The following CREB3L2 variants were observed in gnomAD, a reference collection of about 807,000 sequenced individuals.
CREB3L2 encodes the protein cyclic AMP-responsive element-binding protein 3-like protein 2.
Under a neutral mutation model 57.2 loss-of-function variants are expected in CREB3L2, and 23 were observed. That is an observed-to-expected ratio of 0.40 (90% CI 0.29 to 0.57). The LOEUF (loss-of-function observed/expected upper bound fraction) is 0.57. Ranked by LOEUF, CREB3L2 falls within the 20% of genes least tolerant of loss-of-function variation. The pLI is 0.42. For missense variants in CREB3L2, 628 were observed against 634.7 expected (o/e 0.99, Z 0.11); for synonymous variants, 268 against 265.1 (o/e 1.01, Z -0.11).
rs374670197 is a variant in CREB3L2, at chr7:137,901,411, C to T, written c.986G>A (p.Cys329Tyr). 6 of 1,603,318 alleles carry T rather than the reference C, an allele frequency of 3.7e-6. No individual in the cohort carries two copies. Among genetic ancestry groups the T allele is most frequent in the Non-Finnish European group, 5.1e-6 (6 of 1,170,636 alleles). The change falls in exon 8 of 12, where the codon TGT becomes TAT. Residue 329 changes from cysteine to tyrosine, a missense_variant. By Grantham distance (194) the Cys-to-Tyr change is radical. Transcript: ENST00000330387. ...MDSLEKKVESCSTENLELRKK... is the reference protein window; with the variant it reads ...MDSLEKKVESYSTENLELRKK... ...CCGAAGCTCCAAGTTCTCAGTTGAA[C>T]AAGACTCCACTCTACAAAGGAGGGA... is the stretch of plus-strand genomic sequence containing the variant.
chr7:137,883,062 G>A (rs922331720), intron 10 of CREB3L2, among the ~76,000 whole-genome samples: 5 of 152,170 alleles, frequency 3.3e-5, no homozygotes, highest in Non-Finnish European at 7.3e-5. Context: ...TTTAGAAAGG[G>A]AAGAGGAGAC....
At chr7:137,961,647 C>G (rs775074153) in intron 1 of CREB3L2, among the ~76,000 whole-genome samples, 1 of 152,172 alleles carries the variant, frequency 6.6e-6, no homozygotes, top group Non-Finnish European at 1.5e-5. Context: ...CATTTCTATG[C>G]CAGACAGTCC....
intron 1 of CREB3L2, among the ~76,000 whole-genome samples, chr7:137,974,866 C>A (rs1801578807): frequency 1.3e-5 from 2 of 152,078 alleles, no homozygotes; most frequent in Non-Finnish European, 2.9e-5. Context: ...GGTGAGGAAC[C>A]TTTGAGATAG....
intron 2 of CREB3L2, among the ~76,000 whole-genome samples, chr7:137,918,049 T>C (rs971623849): frequency 3.3e-5 from 5 of 152,094 alleles, no homozygotes; most frequent in African/African-American, 9.7e-5. Flanking sequence ...AAAGATTCCG[T>C]TGACTCTCCC....
intron 1 of CREB3L2, chr7:137,953,280 G>T: frequency 5.4e-6 from 2 of 368,150 alleles, no homozygotes; most frequent in East Asian, 7.3e-5. Flanking sequence ...TTAGCTCCCG[G>T]TGGTGTTTCA....
chr7:137,900,336 G>C (rs902615806), intron 8 of CREB3L2, among the ~76,000 whole-genome samples: 1 of 152,068 alleles, frequency 6.6e-6, no homozygotes, highest in South Asian at 2.1e-4. Context: ...TGATAATAAT[G>C]GCATCTCATA....
intron 1 of CREB3L2, among the ~76,000 whole-genome samples, chr7:137,991,468 A>G (rs1045355765): frequency 3.9e-5 from 6 of 151,922 alleles, no homozygotes; most frequent in Non-Finnish European, 8.8e-5. Flanking sequence ...CTGGCCTTAA[A>G]TAGCTTATTT....
At chr7:137,922,742 A>G in intron 2 of CREB3L2, 1 of 401,996 alleles carries the variant, frequency 2.5e-6, no homozygotes, top group South Asian at 1.8e-5. Context: ...CGGACCGTAC[A>G]TCCATTTACT....
At chr7:137,931,221 G>A (rs1362737598) in intron 1 of CREB3L2, among the ~76,000 whole-genome samples, 3 of 151,570 alleles carry the variant, frequency 2.0e-5, no homozygotes, top group African/African-American at 7.3e-5. Context: ...GATGGAGTGA[G>A]AACCTGTCTT....
At position 137,885,393 on chromosome 7, in the gene CREB3L2, G is replaced by C; in HGVS notation, c.1143+10C>G. 6.2e-7 allele frequency: 1 copy of C among 1,611,502 alleles called. No individual in the cohort carries two copies. Among genetic ancestry groups the C allele is most frequent in the Non-Finnish European group, 8.5e-7 (1 of 1,177,998 alleles). On this transcript the variant is annotated intron_variant, in intron 9 of 11. Transcript: ENST00000330387. ...GGGCGGTCACTGTGCTACCCTGCTGGGAAGCTCACCATGAGGCAGGTGCCA... is the reference window on the plus strand; with the variant it reads ...GGGCGGTCACTGTGCTACCCTGCTGCGAAGCTCACCATGAGGCAGGTGCCA...
intron 1 of CREB3L2, chr7:137,955,353 G>T (rs1249689026): frequency 1.6e-6 from 2 of 1,278,230 alleles, no homozygotes; most frequent in East Asian, 5.6e-5. Flanking sequence ...ACCACAGGAT[G>T]GGGGAGGGCG....
chr7:137,909,678 C>T (rs1399014666), intron 4 of CREB3L2, among the ~76,000 whole-genome samples: 3 of 152,170 alleles, frequency 2.0e-5, no homozygotes, highest in Non-Finnish European at 4.4e-5. Context: ...CAATGGAGAC[C>T]ACCCAGCATA....
intron 6 of CREB3L2, among the ~76,000 whole-genome samples, chr7:137,905,392 T>TA (rs35597981): frequency 1.1e-3 from 155 of 137,550 alleles, no homozygotes; most frequent in South Asian, 4.7e-3. Flanking sequence ...AAGGCTGAGT[T>TA]AAAAAAAAAA....
In CREB3L2 at chr7:137,882,625, C is replaced by A; in HGVS notation, c.1274G>T (p.Arg425Ile). 2 of 1,599,922 alleles carry A rather than the reference C, an allele frequency of 1.3e-6. No individual in the cohort carries two copies. The highest frequency in any genetic ancestry group is 1.7e-6 in the Non-Finnish European group (2 of 1,170,912). The change falls in exon 11 of 12, where the codon AGA becomes ATA. Residue 425 changes from arginine (R) to isoleucine (I), a missense_variant. Physicochemically the swap from Arg to Ile is moderately conservative, Grantham distance 97. This residue lies in a region of CREB3L2 where 272 missense variants were observed against 242.7 expected (regional missense o/e 1.12). Transcript: ENST00000330387. ...LQEPYTASVV[R>I]SRNLLIYEEH... Reference sequence around the variant, plus strand: ...CTCGTAGATCAGCAGGTTTCTGGATCTCACTGAGGACAGAGCAGAATAATA... The same window carrying A: ...CTCGTAGATCAGCAGGTTTCTGGATATCACTGAGGACAGAGCAGAATAATA...
chr7:137,882,548 C>T lies in CREB3L2; in HGVS notation c.1351G>A (p.Gly451Arg), dbSNP rs780077410. 6 of 1,613,834 alleles carry T rather than the reference C, an allele frequency of 3.7e-6. No homozygotes were observed. Among genetic ancestry groups the T allele is most frequent in the East Asian group, 2.2e-5 (1 of 44,866 alleles). ...AGGGAGGAACCTCTATCCCAGCCCC[C>T]CAGCTCCCCAGCCGAGCCCGGGCTG... The part of the protein sequence containing the change: ...SSSPGSAGEL[G>R]GWDRGSSLLR... Residue 451 changes from glycine (G) to arginine (R), a missense_variant, in exon 11 of 12, where the codon GGG becomes AGG. Gly to Arg is a moderately radical substitution (Grantham distance 125, BLOSUM62 -2). Coordinates refer to ENST00000330387, the MANE Select transcript of CREB3L2 (RefSeq NM_194071.4).
chr7:137,948,317 AT>A (rs1801037813), intron 1 of CREB3L2, among the ~76,000 whole-genome samples: 1 of 152,250 alleles, frequency 6.6e-6, no homozygotes, highest in African/African-American at 2.4e-5. Context: ...GTATTACATC[AT>A]GCTGAAACTC....
chr7:137,922,417 T>TATATATATAC, intron 2 of CREB3L2, among the ~76,000 whole-genome samples: 1 of 24,098 alleles, frequency 4.1e-5, no homozygotes, highest in Admixed American at 6.1e-4. Context: ...TATATATATG[T>TATATATATAC]ATATATATAT....
At chr7:137,989,243 C>T (rs1292529430) in intron 1 of CREB3L2, among the ~76,000 whole-genome samples, 1 of 152,178 alleles carries the variant, frequency 6.6e-6, no homozygotes, top group African/African-American at 2.4e-5. Flanking sequence ...CCCATGCACA[C>T]AGGTCTGCTA....
At chr7:137,915,814 A>G (rs749256572) in intron 3 of CREB3L2, 23 bp downstream of exon 3, 5 of 1,606,928 alleles carry the variant, frequency 3.1e-6, no homozygotes, top group Non-Finnish European at 4.3e-6. Flanking sequence ...CAACCTGTTT[A>G]AACAGACGAA....
Sources: allele counts gnomAD v4.1 joint callset (sites outside exome capture counted in the v4.1 genomes callset), GRCh38; gene constraint gnomAD v4.1.1; regional missense constraint gnomAD v4.1.1; transcripts MANE v1.5; gene names NCBI Gene and HGNC (gene_info 2026-07-23, HGNC 2026-07-21).